The following RBFOX1 variants were observed in gnomAD, a reference collection of about 807,000 sequenced individuals.
The protein encoded by RBFOX1 is RNA binding fox-1 homolog 1, also known as RNA binding protein fox-1 homolog 1.
A neutral mutation model predicts 57.7 loss-of-function variants in RBFOX1; 8 were observed. The ratio of observed to expected loss-of-function variants is 0.14; its 90% CI spans 0.08 to 0.25. The LOEUF (loss-of-function observed/expected upper bound fraction) is 0.25, where lower values mean the gene tolerates loss of function less well. Ranked by LOEUF, RBFOX1 falls within the 10% of genes least tolerant of loss-of-function variation. The pLI, the probability that RBFOX1 is intolerant of heterozygous loss-of-function variation, is 1.00. For missense variants in RBFOX1, 611 were observed against 548.5 expected (o/e 1.11, Z -1.14); for synonymous variants, 326 against 222.4 (o/e 1.47, Z -4.15).
At chr16:7,131,191 A>G (rs1220516494) in intron 4 of RBFOX1, among the ~76,000 whole-genome samples, 1 of 151,950 alleles carries the variant, frequency 6.6e-6, no homozygotes, top group East Asian at 1.9e-4. Context: ...CTAAAAATAC[A>G]AAAAGTTAGC....
chr16:5,554,776 A>G (rs1239272951), intron 2 of RBFOX1, among the ~76,000 whole-genome samples: 1 of 152,212 alleles, frequency 6.6e-6, no homozygotes, highest in Non-Finnish European at 1.5e-5. Flanking sequence ...AATGCTTGAC[A>G]CTGGTGGATG....
At chr16:7,609,926 T>C (rs1568077700) in intron 10 of RBFOX1, among the ~76,000 whole-genome samples, 1 of 151,604 alleles carries the variant, frequency 6.6e-6, no homozygotes, top group Non-Finnish European at 1.5e-5. Flanking sequence ...CAAGTGATTC[T>C]CCTGCCTCAG....
At chr16:5,978,557 T>G (rs956174613) in intron 4 of RBFOX1, among the ~76,000 whole-genome samples, 5 of 152,218 alleles carry the variant, frequency 3.3e-5, no homozygotes, top group Non-Finnish European at 7.3e-5. Context: ...ATTAATCACC[T>G]GTTTCTATTC....
chr16:6,025,341 T>C (rs1428832360), intron 1 of RBFOX1, among the ~76,000 whole-genome samples: 1 of 152,200 alleles, frequency 6.6e-6, no homozygotes, highest in Non-Finnish European at 1.5e-5. Context: ...CTAAAATCTT[T>C]CATTCAAGAA....
At chr16:6,556,751 C>T (rs1210455855) in intron 2 of RBFOX1, among the ~76,000 whole-genome samples, 1 of 151,980 alleles carries the variant, frequency 6.6e-6, no homozygotes, top group Non-Finnish European at 1.5e-5. Context: ...GAAAAAGTGG[C>T]AGAAAATAAA....
chr16:7,002,668 C>A (rs1330137096), intron 3 of RBFOX1, among the ~76,000 whole-genome samples: 1 of 152,112 alleles, frequency 6.6e-6, no homozygotes, highest in South Asian at 2.1e-4. Flanking sequence ...GCCGAGATTG[C>A]GCCACTGCAC....
chr16:5,816,853 ATTATT>A (rs964079609), intron 3 of RBFOX1, among the ~76,000 whole-genome samples: 2 of 152,098 alleles, frequency 1.3e-5, no homozygotes, highest in Admixed American at 6.6e-5. Context: ...TGTTCTTTGT[ATTATT>A]TTATTTTTAA....
At chr16:5,758,652 G>C (rs1336914388) in intron 3 of RBFOX1, among the ~76,000 whole-genome samples, 1 of 152,186 alleles carries the variant, frequency 6.6e-6, no homozygotes, top group African/African-American at 2.4e-5. Flanking sequence ...AAGCTTCTAT[G>C]AGCACAGTTC....
chr16:5,654,156 G>GT (rs1354910851), intron 3 of RBFOX1, among the ~76,000 whole-genome samples: 1 of 152,180 alleles, frequency 6.6e-6, no homozygotes, highest in Non-Finnish European at 1.5e-5. Context: ...TGGACGAGTC[G>GT]TTTTCTGAGC....
intron 2 of RBFOX1, among the ~76,000 whole-genome samples, chr16:6,450,358 T>C (rs1350323611): frequency 6.6e-6 from 1 of 152,132 alleles, no homozygotes; most frequent in African/African-American, 2.4e-5. Flanking sequence ...ATCCTGCTTG[T>C]TACATGATAA....
intron 2 of RBFOX1, among the ~76,000 whole-genome samples, chr16:6,602,080 T>G (rs2097859946): frequency 6.6e-6 from 1 of 152,186 alleles, no homozygotes; most frequent in South Asian, 2.1e-4. Flanking sequence ...CATTATTCAT[T>G]TATTCCCTAA....
chr16:5,618,986 T>A (rs563570744), intron 3 of RBFOX1, among the ~76,000 whole-genome samples: 1 of 152,120 alleles, frequency 6.6e-6, no homozygotes, highest in Non-Finnish European at 1.5e-5. Context: ...CATCCTTTGC[T>A]CCGGTGGTTC....
At chr16:7,076,128 G>T (rs1318895413) in intron 4 of RBFOX1, among the ~76,000 whole-genome samples, 1 of 148,512 alleles carries the variant, frequency 6.7e-6, no homozygotes, top group Non-Finnish European at 1.5e-5. Context: ...TGCAACCTCT[G>T]CCTCCCGGGT....
At chr16:6,358,216 G>T (rs1373361692) in intron 2 of RBFOX1, among the ~76,000 whole-genome samples, 1 of 152,170 alleles carries the variant, frequency 6.6e-6, no homozygotes, top group Non-Finnish European at 1.5e-5. Flanking sequence ...ATGAGACTGT[G>T]TAAAAATTAA....
At chr16:6,530,013 A>G (rs1156681874) in intron 2 of RBFOX1, among the ~76,000 whole-genome samples, 2 of 152,122 alleles carry the variant, frequency 1.3e-5, no homozygotes, top group African/African-American at 4.8e-5. Context: ...ATGGGTATTT[A>G]TGTCTCTGTC....
At chr16:6,987,523 T>G (rs2090567809) in intron 3 of RBFOX1, among the ~76,000 whole-genome samples, 2 of 141,630 alleles carry the variant, frequency 1.4e-5, no homozygotes, top group Admixed American at 7.1e-5. Flanking sequence ...GCCCCACACA[T>G]TGCAAACATA....
At chr16:7,680,165 G>T (rs890814588) in intron 14 of RBFOX1, among the ~76,000 whole-genome samples, 1 of 152,134 alleles carries the variant, frequency 6.6e-6, no homozygotes, top group Non-Finnish European at 1.5e-5. Context: ...TTGATGAATG[G>T]CTTGCTTGAA....
intron 3 of RBFOX1, among the ~76,000 whole-genome samples, chr16:6,723,119 T>C (rs1733571075): frequency 6.6e-6 from 1 of 152,176 alleles, no homozygotes; most frequent in Non-Finnish European, 1.5e-5. Context: ...ACAACGTGTT[T>C]GTCTTGGTTG....
chr16:6,908,903 C>G (rs890860492), intron 3 of RBFOX1, among the ~76,000 whole-genome samples: 6 of 152,104 alleles, frequency 3.9e-5, no homozygotes, highest in Admixed American at 2.0e-4. Flanking sequence ...ACATCCTAAG[C>G]ATTCATGACT....
Sources: gnomAD v4.1 joint callset for allele counts (sites outside exome capture counted in the v4.1 genomes callset) on GRCh38, gnomAD v4.1.1 for gene constraint, MANE v1.5 for transcripts, NCBI Gene and HGNC (gene_info 2026-07-23, HGNC 2026-07-21) for gene names.